Variants in MEGF11 observed in about 807,000 individuals in gnomAD.
MEGF11 encodes the protein multiple epidermal growth factor-like domains protein 11.
A neutral mutation model predicts 146.6 loss-of-function variants in MEGF11; 126 were observed. The observed-to-expected ratio is 0.86, with a 90% CI of 0.74 to 1.00. MEGF11 has a LOEUF of 1.00. MEGF11 is among the 50% of genes least tolerant of loss of function. The pLI is 0.00. For missense variants in MEGF11, 1,509 were observed against 1,521.2 expected (o/e 0.99, Z 0.13); for synonymous variants, 532 against 583.4 (o/e 0.91, Z 1.27).
intron 5 of MEGF11, among the ~76,000 whole-genome samples, chr15:66,050,036 T>G (rs1270670522): frequency 6.6e-6 from 1 of 152,250 alleles, no homozygotes; most frequent in Non-Finnish European, 1.5e-5. Context: ...TCTGCTCTCA[T>G]GGAACCTACA....
intron 1 of MEGF11, among the ~76,000 whole-genome samples, chr15:66,230,008 C>T (rs1165059314): frequency 6.6e-6 from 1 of 152,166 alleles, no homozygotes; most frequent in African/African-American, 2.4e-5. Context: ...AGCAACTTTA[C>T]CTCCTACAAG....
In MEGF11 at chr15:66,232,896, G is replaced by T. The variant is rs374901480; in HGVS notation, c.-9+20709C>A. Reference sequence around the variant, plus strand: ...GATGAGGAAACAGAGGCTCAGAGAGGTTAACTAGTTTCACCAATGTCACAC... The same window carrying T: ...GATGAGGAAACAGAGGCTCAGAGAGTTTAACTAGTTTCACCAATGTCACAC... On this transcript the variant is annotated intron_variant, in intron 1 of 25. Transcript: ENST00000395614. 3.9e-5 allele frequency among the ~76,000 whole-genome samples: 6 copies of T among 152,270 alleles called. No homozygotes were observed. The East Asian group carries it at 1.2e-3, about 29-fold the overall frequency.
chr15:65,898,899 A>C lies in MEGF11; in HGVS notation c.3091T>G (p.Cys1031Gly), dbSNP rs779617649. ...GGGTTTTCACTGCTATTCAAGGAAC[A>C]AGTACTAGAACTGCACACGGATTCT... is the stretch of plus-strand genomic sequence containing the variant. ...MKESVCSSSTCSLNSSENPYA... is the reference protein window; with the variant it reads ...MKESVCSSSTGSLNSSENPYA... The change falls in exon 25 of 26, where the codon TGT (cysteine) becomes GGT (glycine). Residue 1031 changes from cysteine (C) to glycine (G), a missense_variant. By Grantham distance (159) the Cys-to-Gly change is radical (BLOSUM62 -3). Coordinates refer to ENST00000395614, the MANE Select transcript of MEGF11 (RefSeq NM_001385028.1). 1 of 1,613,956 alleles carries C rather than the reference A, an allele frequency of 6.2e-7. No individual in the cohort carries two copies. The highest frequency in any genetic ancestry group is 8.5e-7 in the Non-Finnish European group (1 of 1,179,838).
intron 1 of MEGF11, among the ~76,000 whole-genome samples, chr15:66,251,814 G>T (rs1709202141): frequency 6.6e-6 from 1 of 152,224 alleles, no homozygotes. Context: ...GTGAGTGGGA[G>T]GAAGTGGCGA....
intron 23 of MEGF11, 87 bp downstream of exon 23, chr15:65,908,947 T>C: frequency 2.6e-6 from 2 of 769,750 alleles, no homozygotes; most frequent in Non-Finnish European, 4.3e-6. Context: ...GACCACAGGG[T>C]GGGGGTCAAG....
chr15:66,162,212 T>C (rs1597129021), intron 1 of MEGF11, among the ~76,000 whole-genome samples: 1 of 152,220 alleles, frequency 6.6e-6, no homozygotes, highest in East Asian at 1.9e-4. Context: ...GAAGAGGAGC[T>C]TGGGGACAAT....
At chr15:66,192,470 A>AAAAATAAAATAAAAT (rs56910946) in intron 1 of MEGF11, among the ~76,000 whole-genome samples, 1,765 of 130,472 alleles carry the variant, frequency 0.014, 38 homozygotes, top group Admixed American at 0.056. Context: ...ACTCCATCTC[A>AAAAATAAAATAAAAT]AAAATAAAAT....
At chr15:66,194,022 T>A (rs376531836) in intron 1 of MEGF11, among the ~76,000 whole-genome samples, 1 of 152,058 alleles carries the variant, frequency 6.6e-6, no homozygotes, top group African/African-American at 2.4e-5. Flanking sequence ...GGAAAAGAAG[T>A]CATTATACAA....
intron 5 of MEGF11, among the ~76,000 whole-genome samples, chr15:66,037,569 T>C (rs979514703): frequency 2.0e-5 from 3 of 152,144 alleles, no homozygotes; most frequent in African/African-American, 4.8e-5. Context: ...TGAGCTCTTA[T>C]AACGTGGAAA....
At chr15:66,211,146 C>A (rs965435257) in intron 1 of MEGF11, among the ~76,000 whole-genome samples, 6 of 152,214 alleles carry the variant, frequency 3.9e-5, no homozygotes, top group Middle Eastern at 3.2e-3. Flanking sequence ...CACCTCCATT[C>A]CCCTGGAGGT....
Position 66,029,007 on chromosome 15 carries a change from G to C in MEGF11, c.395-46519C>G, listed in dbSNP as rs539539766. 1.1e-4 allele frequency among the ~76,000 whole-genome samples: 16 copies of C among 152,340 alleles called. No homozygotes were observed. The Middle Eastern group carries it at 0.01, about 97-fold the overall frequency. ...TTTGTCAAATGACTACAAGGAGAGA[G>C]AGGAGGGGAGAAGGGTGATGTTTGG... On this transcript the variant is annotated intron_variant, in intron 5 of 25. Transcript: ENST00000395614.
intron 17 of MEGF11, chr15:65,916,570 G>A: frequency 1.4e-6 from 1 of 699,634 alleles, no homozygotes; most frequent in Non-Finnish European, 2.4e-6. Context: ...GTCCAAGGAA[G>A]GTCTGGTCTT....
chr15:66,088,974 T>A (rs2086219708), intron 5 of MEGF11, among the ~76,000 whole-genome samples: 1 of 152,252 alleles, frequency 6.6e-6, no homozygotes, highest in East Asian at 1.9e-4. Flanking sequence ...CATTTAAAAA[T>A]GTTAAAATGA....
chr15:66,004,075 G>A (rs2082448156), intron 5 of MEGF11, among the ~76,000 whole-genome samples: 1 of 152,124 alleles, frequency 6.6e-6, no homozygotes, highest in African/African-American at 2.4e-5. Flanking sequence ...CAATATCTTG[G>A]AGCTGAGGGA....
chr15:66,159,911 GT>G (rs1357546297), intron 1 of MEGF11, among the ~76,000 whole-genome samples: 3 of 152,162 alleles, frequency 2.0e-5, no homozygotes, highest in Non-Finnish European at 4.4e-5. Context: ...GACAAGGTGA[GT>G]TGGAGTAACC....
intron 5 of MEGF11, among the ~76,000 whole-genome samples, chr15:66,050,823 T>C (rs1286459888): frequency 6.6e-6 from 1 of 152,192 alleles, no homozygotes. Flanking sequence ...CATAATCCCA[T>C]ATGTGCCAGG....
rs1169474235 is a variant in MEGF11, at chr15:65,917,951, G to A, written c.2086+15C>T. 6.2e-7 allele frequency: 1 copy of A among 1,613,760 alleles called. No homozygotes were observed. Among genetic ancestry groups the A allele is most frequent in the Non-Finnish European group, 8.5e-7 (1 of 1,179,824 alleles). On this transcript the variant is annotated intron_variant, in intron 16 of 25. Transcript: ENST00000395614. ...TGACCCCAGGTAGGGGCATTCCCAG[G>A]TGGCAGCAGCTTACCCTGTGAGCAG...
intron 1 of MEGF11, among the ~76,000 whole-genome samples, chr15:66,205,397 T>C (rs2091275334): frequency 6.6e-6 from 1 of 152,110 alleles, no homozygotes; most frequent in Admixed American, 6.5e-5. Flanking sequence ...TGAGCTATAA[T>C]TGCACCACTG....
At chr15:66,082,555 C>T (rs2085930591) in intron 5 of MEGF11, among the ~76,000 whole-genome samples, 1 of 144,096 alleles carries the variant, frequency 6.9e-6, no homozygotes, top group Admixed American at 7.1e-5. Flanking sequence ...TACCTGTAGT[C>T]CCAGCTACTG....
Sources: allele counts gnomAD v4.1 joint callset (sites outside exome capture counted in the v4.1 genomes callset), GRCh38; gene constraint gnomAD v4.1.1; transcripts MANE v1.5; gene names NCBI Gene and HGNC (gene_info 2026-07-23, HGNC 2026-07-21).